Variants in ATP8A1 observed in about 807,000 individuals in gnomAD.
ATP8A1 encodes phospholipid-transporting ATPase IA.
ATP8A1 carries 90 observed loss-of-function variants against 177.7 expected under a neutral mutation model. The ratio of observed to expected loss-of-function variants is 0.51; its 90% CI spans 0.43 to 0.60. The LOEUF is 0.60. ATP8A1 is among the 20% of genes least tolerant of loss of function. The pLI is 0.00. For synonymous variants in ATP8A1, 493 were observed against 485.9 expected (o/e 1.01, Z -0.19); for missense variants, 1,072 against 1,392.8 (o/e 0.77, Z 3.67).
At chr4:42,519,941 A>T (rs1400364527) in intron 22 of ATP8A1, among the ~76,000 whole-genome samples, 3 of 152,216 alleles carry the variant, frequency 2.0e-5, no homozygotes, top group Admixed American at 1.3e-4. Context: ...GTATATGTGT[A>T]TACACACACT....
At chr4:42,418,907 T>TA (rs1713546551) in intron 35 of ATP8A1, among the ~76,000 whole-genome samples, 2 of 152,200 alleles carry the variant, frequency 1.3e-5, no homozygotes, top group Non-Finnish European at 2.9e-5. Context: ...TAATCTTCCT[T>TA]AAGTGCTTAC....
intron 1 of ATP8A1, among the ~76,000 whole-genome samples, chr4:42,638,738 T>G (rs1739638150): frequency 6.6e-6 from 1 of 152,126 alleles, no homozygotes; most frequent in South Asian, 2.1e-4. Flanking sequence ...ACATAGATGT[T>G]TAAAAATTGA....
intron 25 of ATP8A1, among the ~76,000 whole-genome samples, chr4:42,477,573 T>G (rs13116032): frequency 0.61 from 93,314 of 152,062 alleles, 31,020 homozygotes; most frequent in East Asian, 0.74. Context: ...ATTGCAGTAC[T>G]TTTCATTGTA....
intron 25 of ATP8A1, among the ~76,000 whole-genome samples, chr4:42,469,101 C>A (rs889637832): frequency 6.6e-6 from 1 of 152,030 alleles, no homozygotes; most frequent in Non-Finnish European, 1.5e-5. Context: ...GTACTGATTC[C>A]TTTTACCCCA....
At chr4:42,514,730 A>G (rs995821611) in intron 22 of ATP8A1, among the ~76,000 whole-genome samples, 1 of 152,144 alleles carries the variant, frequency 6.6e-6, no homozygotes, top group Non-Finnish European at 1.5e-5. Context: ...TTAGCATGGG[A>G]TCTGGAATTA....
In ATP8A1 at chr4:42,656,845, T is replaced by G. The variant is rs1311610553; in HGVS notation, c.29A>C (p.Glu10Ala). The G allele has an allele frequency of 6.3e-7, 1 of 1,585,060 alleles. No homozygotes were observed. Among genetic ancestry groups the G allele is most frequent in the South Asian group, 1.2e-5 (1 of 86,890 alleles). The part of the protein sequence containing the change: MPTMRRTVS[E>A]IRSRAEGYEK... Reference sequence around the variant, plus strand: ...CTTACCTTCGGCGCGCGAGCGGATCTCCGACACGGTCCTCCGCATGGTGGG... The same window carrying G: ...CTTACCTTCGGCGCGCGAGCGGATCGCCGACACGGTCCTCCGCATGGTGGG... The change falls in exon 1 of 37, where the codon GAG becomes GCG. Residue 10 changes from glutamate (E) to alanine (A), a missense_variant. By Grantham distance (107) the Glu-to-Ala change is moderately radical. Transcript: ENST00000381668.
intron 24 of ATP8A1, among the ~76,000 whole-genome samples, chr4:42,492,754 C>G (rs561398765): frequency 1.8e-4 from 27 of 152,266 alleles, no homozygotes; most frequent in African/African-American, 6.0e-4. Flanking sequence ...ATGAGTTCAC[C>G]ACCAGTTAAA....
intron 5 of ATP8A1, 149 bp from the exon 6 acceptor site, chr4:42,600,667 T>C (rs1225816578): frequency 4.4e-6 from 3 of 679,536 alleles, no homozygotes; most frequent in African/African-American, 1.9e-5. Flanking sequence ...ATAGCAAGAA[T>C]ATGTAAACTT....
intron 29 of ATP8A1, among the ~76,000 whole-genome samples, chr4:42,453,017 T>G (rs1439249564): frequency 6.6e-6 from 1 of 152,218 alleles, no homozygotes; most frequent in Non-Finnish European, 1.5e-5. Context: ...ATTACACATT[T>G]GAACTTGTGT....
At chr4:42,487,369 T>C (rs1442459824) in intron 24 of ATP8A1, among the ~76,000 whole-genome samples, 1 of 152,154 alleles carries the variant, frequency 6.6e-6, no homozygotes, top group Non-Finnish European at 1.5e-5. Context: ...ATTCTTCCTA[T>C]AACCTAATGG....
chr4:42,547,955 T>C (rs900075290), intron 19 of ATP8A1, among the ~76,000 whole-genome samples: 1 of 152,214 alleles, frequency 6.6e-6, no homozygotes, highest in African/African-American at 2.4e-5. Flanking sequence ...TTCTGTGAAG[T>C]GTCCTGTGAA....
At chr4:42,541,344 T>C (rs1333732523) in intron 20 of ATP8A1, among the ~76,000 whole-genome samples, 1 of 152,162 alleles carries the variant, frequency 6.6e-6, no homozygotes, top group African/African-American at 2.4e-5. Flanking sequence ...TCTATTAGAA[T>C]AGCCCAAATC....
At chr4:42,471,943 A>C in intron 25 of ATP8A1, 1 of 675,134 alleles carries the variant, frequency 1.5e-6, no homozygotes. Context: ...GAAGCTGAGT[A>C]TTACAGCAGC....
intron 15 of ATP8A1, among the ~76,000 whole-genome samples, chr4:42,560,362 A>ATTT (rs1560460780): frequency 6.6e-6 from 1 of 152,042 alleles, no homozygotes; most frequent in African/African-American, 2.4e-5. Context: ...TAATATGTTA[A>ATTT]TGCATTGTGA....
intron 1 of ATP8A1, among the ~76,000 whole-genome samples, chr4:42,645,286 T>C (rs770554274): frequency 6.6e-6 from 1 of 152,204 alleles, no homozygotes; most frequent in Non-Finnish European, 1.5e-5. Flanking sequence ...AACTGGATGA[T>C]ACACAATTTA....
chr4:42,611,620 C>T (rs28516549), intron 5 of ATP8A1, among the ~76,000 whole-genome samples: 34,210 of 152,098 alleles, frequency 0.22, 4,331 homozygotes, highest in Non-Finnish European at 0.29. Flanking sequence ...CATCCTTTCC[C>T]AGGCCCCCAT....
intron 33 of ATP8A1, among the ~76,000 whole-genome samples, chr4:42,430,361 T>C (rs1715132040): frequency 6.6e-6 from 1 of 152,142 alleles, no homozygotes; most frequent in South Asian, 2.1e-4. Context: ...AGAAGTCAGA[T>C]CGTGACTCCT....
intron 27 of ATP8A1, among the ~76,000 whole-genome samples, chr4:42,461,887 A>C (rs932308660): frequency 1.3e-5 from 2 of 152,212 alleles, no homozygotes; most frequent in African/African-American, 4.8e-5. Context: ...TTTCAGATGG[A>C]GATGAAGAAC....
chr4:42,551,334 C>G, intron 17 of ATP8A1, 54 bp from the exon 18 acceptor site: 1 of 1,290,534 alleles, frequency 7.7e-7, no homozygotes. Flanking sequence ...AAAATATTCT[C>G]AGCACAAGAG....
Sources: gnomAD v4.1 joint callset for allele counts (sites outside exome capture counted in the v4.1 genomes callset) on GRCh38, gnomAD v4.1.1 for gene constraint, MANE v1.5 for transcripts, NCBI Gene and HGNC (gene_info 2026-07-23, HGNC 2026-07-21) for gene names.